Variants in GNPTG observed in about 807,000 individuals in gnomAD.
GNPTG encodes the protein N-acetylglucosamine-1-phosphate transferase subunit gamma.
A neutral mutation model predicts 43.8 loss-of-function variants in GNPTG; 46 were observed. The ratio of observed to expected loss-of-function variants is 1.05; its 90% CI spans 0.83 to 1.34. GNPTG has a LOEUF of 1.34. Among genes scored for constraint, GNPTG ranks in the 40% most tolerant of loss-of-function variants. GNPTG has a pLI of 0.00. For missense variants in GNPTG, 549 were observed against 411.3 expected (o/e 1.33, Z -2.90); for synonymous variants, 250 against 172.8 (o/e 1.45, Z -3.50).
In GNPTG at chr16:1,354,585, CAA is replaced by C. The variant is rs869067502; in HGVS notation, c.178+2302_178+2303del. Among the ~76,000 whole-genome samples the C allele has an allele frequency of 1.1e-3, 50 of 44,366 alleles. No individual in the cohort carries two copies. In the South Asian group the frequency reaches 0.021, roughly 18 times the overall value. The allele number at this position is 44,366 out of a possible 152,430, so 29.1% of individuals were successfully genotyped here. ...TGGGTGACAGAGCAAGACTTCGTCT[CAA>C]AAAAAAAAAAAAAAAAAAAAAACCC... is the stretch of plus-strand genomic sequence containing the variant. On this transcript the variant is annotated intron_variant, in intron 3 of 10. Coordinates refer to ENST00000204679, the MANE Select transcript of GNPTG (RefSeq NM_032520.5).
In GNPTG at chr16:1,362,622, G is replaced by A. The variant is rs2141863968; in HGVS notation, c.621G>A (p.Lys207=). The change falls in exon 9 of 11, where the codon AAG becomes AAA. Residue 207 remains lysine (K), a synonymous_variant. Coordinates refer to ENST00000204679, the MANE Select transcript of GNPTG (RefSeq NM_032520.5). The part of the protein sequence containing the change: ...DELITPQGHE[K]LLRTLFEDAG... ...TCCTCCACCTTCAGGGCCATGAGAAGTTGCTGAGGACACTTTTTGAGGATG... is the reference window on the plus strand; with the variant it reads ...TCCTCCACCTTCAGGGCCATGAGAAATTGCTGAGGACACTTTTTGAGGATG... 1 of 1,614,204 alleles carries A rather than the reference G, an allele frequency of 6.2e-7. No homozygotes were observed. The highest frequency in any genetic ancestry group is 1.7e-5 in the Admixed American group (1 of 60,030).
At chr16:1,352,526 A>T in intron 3 of GNPTG, 1 of 605,552 alleles carries the variant, frequency 1.7e-6, no homozygotes, top group South Asian at 1.9e-5. Context: ...CCGAGAGGTA[A>T]CTGCTGTTAA....
intron 3 of GNPTG, among the ~76,000 whole-genome samples, chr16:1,358,703 GC>G (rs1316534688): frequency 1.3e-5 from 2 of 152,102 alleles, no homozygotes; most frequent in African/African-American, 4.8e-5. Flanking sequence ...TCCCATTCCA[GC>G]CAGCATTGCA....
chr16:1,362,576 G>C (rs1361764979), intron 8 of GNPTG, 35 bp from the exon 9 acceptor site: 1 of 1,614,178 alleles, frequency 6.2e-7, no homozygotes. Context: ...GCCTGGCTGG[G>C]AGCTGGGTGC....
Position 1,363,691 on chromosome 16 carries a change from C to G in GNPTG, c.*600C>G, listed in dbSNP as rs1011847773. The G allele has an allele frequency of 3.5e-5, 6 of 170,308 alleles. No homozygotes were observed. Among genetic ancestry groups the G allele is most frequent in the Non-Finnish European group, 7.6e-5 (6 of 78,528 alleles). 10.5% of individuals were successfully genotyped at this position (170,308 alleles called of 1,614,324 possible). A position where few individuals can be genotyped will look rare whatever the true frequency, so the allele number is the denominator to read the frequency against. On this transcript the variant is annotated 3_prime_UTR_variant, in exon 11 of 11. Transcript: ENST00000204679. Reference sequence around the variant, plus strand: ...TGCCTCAGCCACCTAGGAGCCATCCCTGAGGCCATGGCCACCAAGACAGGT... The same window carrying G: ...TGCCTCAGCCACCTAGGAGCCATCCGTGAGGCCATGGCCACCAAGACAGGT...
chr16:1,360,045 T>C (rs369579160), intron 3 of GNPTG, among the ~76,000 whole-genome samples: 2 of 151,982 alleles, frequency 1.3e-5, no homozygotes, highest in Non-Finnish European at 2.9e-5. Flanking sequence ...GTGGTGGAGA[T>C]TGTAGTGAGC....
chr16:1,360,645 G>C (rs2034853701), intron 3 of GNPTG: 1 of 152,054 alleles, frequency 6.6e-6, no homozygotes, highest in Non-Finnish European at 1.5e-5. Flanking sequence ...AGAATCTAAT[G>C]CCTGATGAGC....
At chr16:1,355,358 A>G (rs1050884976) in intron 3 of GNPTG, among the ~76,000 whole-genome samples, 1 of 152,200 alleles carries the variant, frequency 6.6e-6, no homozygotes, top group African/African-American at 2.4e-5. Context: ...GAGCAGAAAG[A>G]TAATCAGGCT....
intron 3 of GNPTG, among the ~76,000 whole-genome samples, chr16:1,356,871 A>G (rs2034785616): frequency 6.6e-6 from 1 of 151,274 alleles, no homozygotes; most frequent in Non-Finnish European, 1.5e-5. Context: ...GAGAGCGGGA[A>G]TCTGCGGGCG....
chr16:1,354,585 C>CAAAAAAAAAAAAAAAAAAAAAAAAA (rs869067502), intron 3 of GNPTG, among the ~76,000 whole-genome samples: 3 of 44,370 alleles, frequency 6.8e-5, no homozygotes, highest in South Asian at 1.6e-3. Context: ...GACTTCGTCT[C>CAAAAAAAAAAAAAAAAAAAAAAAAA]AAAAAAAAAA....
At position 1,362,681 on chromosome 16, in the gene GNPTG, C is replaced by T; in HGVS notation, c.680C>T (p.Pro227Leu). 2 of 1,614,080 alleles carry T rather than the reference C, an allele frequency of 1.2e-6. No homozygotes were observed. The highest frequency in any genetic ancestry group is 1.7e-6 in the Non-Finnish European group (2 of 1,180,012). ...GYLKTPEENEPTQLEGGPDSL... is the reference protein window; with the variant it reads ...GYLKTPEENELTQLEGGPDSL... ...TTAAAGACCCCAGAAGAAAATGAACCCACCCAGCTGGAGGGAGGTCCTGAC... is the reference window on the plus strand; with the variant it reads ...TTAAAGACCCCAGAAGAAAATGAACTCACCCAGCTGGAGGGAGGTCCTGAC... Residue 227 changes from proline (P) to leucine (L), a missense_variant, in exon 9 of 11, where the codon CCC becomes CTC. Physicochemically the swap from Pro to Leu is moderately conservative, Grantham distance 98. Transcript: ENST00000204679.
chr16:1,352,121 A>G lies in GNPTG; in HGVS notation c.72A>G (p.Ala24=). 1 of 1,581,126 alleles carries G rather than the reference A, an allele frequency of 6.3e-7. No homozygotes were observed. The highest frequency in any genetic ancestry group is 8.6e-7 in the Non-Finnish European group (1 of 1,165,374). The change falls in exon 2 of 11, where the codon GCA becomes GCG. Residue 24 remains alanine, a synonymous_variant. Coordinates refer to ENST00000204679, the MANE Select transcript of GNPTG (RefSeq NM_032520.5). ...CCGTAGGGCCCGCGCCGGCAGGTGC[A>G]GCGAAGATGAAGGTGGTGGAGGAGC... ...LSAGGPAPAG[A]AKMKVVEEPN...
intron 3 of GNPTG, among the ~76,000 whole-genome samples, chr16:1,354,559 C>G (rs950474798): frequency 9.0e-6 from 1 of 110,720 alleles, no homozygotes; most frequent in Non-Finnish European, 1.7e-5. Context: ...GCACTCCAGC[C>G]TGGGTGACAG....
rs187894367 is a variant in GNPTG at position 1,353,332 on chromosome 16, G to A, written c.178+1026G>A. Among the ~76,000 whole-genome samples, 20 of 152,272 alleles carry A rather than the reference G, an allele frequency of 1.3e-4. No individual in the cohort carries two copies. The East Asian group carries it at 3.3e-3, about 25-fold the overall frequency. On this transcript the variant is annotated intron_variant, in intron 3 of 10. Transcript: ENST00000204679. ...TGTTAGGGTCTGTGCTGGGGTTGCAGAAACGAACACAGATATACCAATGCT... is the reference window on the plus strand; with the variant it reads ...TGTTAGGGTCTGTGCTGGGGTTGCAAAAACGAACACAGATATACCAATGCT...
chr16:1,353,296 A>C (rs780253991), intron 3 of GNPTG, among the ~76,000 whole-genome samples: 5 of 152,204 alleles, frequency 3.3e-5, no homozygotes, highest in Non-Finnish European at 7.3e-5. Context: ...TTATTATCGA[A>C]TACCTTTATG....
chr16:1,361,630 T>C (rs887437010), intron 3 of GNPTG, 113 bp from the exon 4 acceptor site: 99 of 1,070,400 alleles, frequency 9.2e-5, no homozygotes, highest in African/African-American at 2.2e-4. Context: ...GGTGACAGAG[T>C]GAGACTCCAT....
At position 1,361,784 on chromosome 16, in the gene GNPTG, CTGG is replaced by C. The variant is rs1274943476; in HGVS notation, c.224_226del (p.Val75del). ...CCGACTCTCGGGCAAGTGCTTCAGC[CTGG>C]TGGAGTCCACGTGAGTGCAGGGTGG... On this transcript the variant is annotated inframe_deletion, in exon 4 of 11. Coordinates refer to ENST00000204679, the MANE Select transcript of GNPTG (RefSeq NM_032520.5). The C allele has an allele frequency of 6.2e-7, 1 of 1,613,140 alleles. No homozygotes were observed.
At chr16:1,362,949 C>T (rs749980153) in intron 10 of GNPTG, 43 bp downstream of exon 10, 125 of 1,613,472 alleles carry the variant, frequency 7.7e-5, no homozygotes, top group Middle Eastern at 1.6e-4. Context: ...CCATCACACT[C>T]GCCACCTGTG....
At position 1,362,024 on chromosome 16, in the gene GNPTG, C is replaced by A. The variant is rs1447593356; in HGVS notation, c.318-14C>A. On this transcript the variant is annotated splice_polypyrimidine_tract_variant and intron_variant, in intron 5 of 10. Transcript: ENST00000204679. ...CCCCACCCGGCCTCACGTGCCGTGC[C>A]CGTGTCTCCCCAGCATCTGGCACGA... 6.2e-7 allele frequency: 1 copy of A among 1,612,758 alleles called. No homozygotes were observed. Among genetic ancestry groups the A allele is most frequent in the East Asian group, 2.2e-5 (1 of 44,858 alleles).
Sources: allele counts gnomAD v4.1 joint callset (sites outside exome capture counted in the v4.1 genomes callset), GRCh38; gene constraint gnomAD v4.1.1; transcripts MANE v1.5; gene names NCBI Gene and HGNC (gene_info 2026-07-23, HGNC 2026-07-21).